Variants in GPC5 observed in about 807,000 individuals in gnomAD.
GPC5 encodes glypican 5, also known as glypican-5.
GPC5 carries 47 observed loss-of-function variants against 53.9 expected under a neutral mutation model. The ratio of observed to expected loss-of-function variants is 0.87; its 90% confidence interval spans 0.69 to 1.11. The LOEUF is 1.11. GPC5 is among the 50% of genes most tolerant of loss of function. GPC5 has a pLI of 0.00. For synonymous variants in GPC5, 286 were observed against 263.3 expected (o/e 1.09, Z -0.84); for missense variants, 748 against 713.1 (o/e 1.05, Z -0.56).
chr13:92,622,910 G>T (rs1397600603), intron 7 of GPC5, among the ~76,000 whole-genome samples: 1 of 152,056 alleles, frequency 6.6e-6, no homozygotes, highest in Non-Finnish European at 1.5e-5. Flanking sequence ...ACCTCAGCGA[G>T]AATGTGGCAA....
intron 7 of GPC5, among the ~76,000 whole-genome samples, chr13:92,640,714 A>T (rs11840931): frequency 0.027 from 4,114 of 152,290 alleles, 189 homozygotes; most frequent in African/African-American, 0.093. Flanking sequence ...CAATGGGGAC[A>T]TGCCAAAAAG....
At chr13:91,674,320 A>G (rs2035318047) in intron 2 of GPC5, among the ~76,000 whole-genome samples, 1 of 151,846 alleles carries the variant, frequency 6.6e-6, no homozygotes, top group African/African-American at 2.4e-5. Flanking sequence ...CATCTAATCC[A>G]TTGAAGGCCC....
At chr13:92,075,593 T>A (rs1406800097) in intron 6 of GPC5, among the ~76,000 whole-genome samples, 1 of 152,176 alleles carries the variant, frequency 6.6e-6, no homozygotes, top group Non-Finnish European at 1.5e-5. Context: ...ATTGCAAATA[T>A]TTTTATCATT....
chr13:92,276,996 C>CTT (rs71200573), intron 7 of GPC5, among the ~76,000 whole-genome samples: 1 of 151,052 alleles, frequency 6.6e-6, no homozygotes, highest in African/African-American at 2.4e-5. Flanking sequence ...GTCTCTCTCT[C>CTT]TTTTTTTTTC....
intron 7 of GPC5, among the ~76,000 whole-genome samples, chr13:92,547,399 T>C (rs1213875934): frequency 2.0e-5 from 3 of 152,212 alleles, no homozygotes; most frequent in Non-Finnish European, 4.4e-5. Flanking sequence ...AGTCCTAAAG[T>C]TGATTCAGAT....
intron 7 of GPC5, among the ~76,000 whole-genome samples, chr13:92,518,476 C>G (rs1303662446): frequency 6.6e-6 from 1 of 152,148 alleles, no homozygotes; most frequent in Non-Finnish European, 1.5e-5. Context: ...CAATATTCAA[C>G]ATTCTTAAAG....
intron 2 of GPC5, among the ~76,000 whole-genome samples, chr13:91,460,581 C>T (rs1056457080): frequency 3.3e-5 from 5 of 152,088 alleles, no homozygotes; most frequent in African/African-American, 1.2e-4. Context: ...GGATTACAGG[C>T]ATGAGCCACC....
At chr13:92,366,873 A>T (rs1393044913) in intron 7 of GPC5, among the ~76,000 whole-genome samples, 1 of 152,252 alleles carries the variant, frequency 6.6e-6, no homozygotes. Flanking sequence ...ATATGAATAC[A>T]ATTTTCTTAT....
rs181127860 is a variant in GPC5 at position 92,482,394 on chromosome 13, G to T, written c.1561+337405G>T. On this transcript the variant is annotated intron_variant, in intron 7 of 7. Coordinates refer to ENST00000377067, the MANE Select transcript of GPC5 (RefSeq NM_004466.6). Reference sequence around the variant, plus strand: ...CTTATTTTTTTCCATTAGGTAGCCTGAAGAATCTCCTAAAAAATTAACTTG... The same window carrying T: ...CTTATTTTTTTCCATTAGGTAGCCTTAAGAATCTCCTAAAAAATTAACTTG... 3.9e-5 allele frequency among the ~76,000 whole-genome samples: 6 copies of T among 152,216 alleles called. No individual in the cohort carries two copies. The East Asian group carries it at 7.7e-4, about 20-fold the overall frequency.
chr13:92,761,838 T>C lies in GPC5; in HGVS notation c.1562-104444T>C, dbSNP rs187382433. 3.9e-5 allele frequency among the ~76,000 whole-genome samples: 6 copies of C among 152,282 alleles called. No individual in the cohort carries two copies. The East Asian group carries it at 1.2e-3, about 29-fold the overall frequency. ...TTATCTCCGAGATTTGGTTATCTTC[T>C]AGCAGCTTTCCCCACAGAAATCTTG... On this transcript the variant is annotated intron_variant, in intron 7 of 7. Transcript: ENST00000377067.
At chr13:91,403,488 T>C (rs1877101677) in intron 1 of GPC5, among the ~76,000 whole-genome samples, 1 of 152,210 alleles carries the variant, frequency 6.6e-6, no homozygotes, top group South Asian at 2.1e-4. Flanking sequence ...TTGTCATAAA[T>C]AAAGAAGCAG....
chr13:91,939,641 A>G (rs374339747), intron 6 of GPC5, among the ~76,000 whole-genome samples: 14 of 152,194 alleles, frequency 9.2e-5, no homozygotes, highest in African/African-American at 3.1e-4. Context: ...ACACCTTAGG[A>G]AACTTGTTCC....
chr13:92,257,546 A>ATTTTGTTTTTTTTTTTTTTT, intron 7 of GPC5, among the ~76,000 whole-genome samples: 1 of 72,966 alleles, frequency 1.4e-5, no homozygotes, highest in Non-Finnish European at 2.3e-5. Flanking sequence ...TAATACAGGG[A>ATTTTGTTTTTTTTTTTTTTT]TTTTTTTTTT....
At chr13:92,248,191 T>G (rs2042666820) in intron 7 of GPC5, among the ~76,000 whole-genome samples, 1 of 122,770 alleles carries the variant, frequency 8.1e-6, no homozygotes. Flanking sequence ...AAAATAGAGG[T>G]ATGGCCATAG....
intron 7 of GPC5, among the ~76,000 whole-genome samples, chr13:92,726,948 G>T (rs1294594990): frequency 6.6e-6 from 1 of 151,416 alleles, no homozygotes; most frequent in Non-Finnish European, 1.5e-5. Flanking sequence ...AAAAATAAAG[G>T]TGTCACCTGA....
chr13:92,388,917 G>A (rs1019665170), intron 7 of GPC5, among the ~76,000 whole-genome samples: 1 of 151,972 alleles, frequency 6.6e-6, no homozygotes, highest in African/African-American at 2.4e-5. Context: ...AATGGTTATG[G>A]GATAGTGCTG....
intron 5 of GPC5, among the ~76,000 whole-genome samples, chr13:91,800,252 A>G (rs992443317): frequency 3.3e-5 from 5 of 152,146 alleles, no homozygotes; most frequent in African/African-American, 4.8e-5. Context: ...TAAAGACACA[A>G]TATTTGTAAA....
chr13:91,643,048 G>C (rs1566576008), intron 2 of GPC5, among the ~76,000 whole-genome samples: 1 of 152,116 alleles, frequency 6.6e-6, no homozygotes, highest in Non-Finnish European at 1.5e-5. Flanking sequence ...ACTTCTTATG[G>C]TGTTCGGTTA....
chr13:92,329,479 C>G (rs1021851851), intron 7 of GPC5, among the ~76,000 whole-genome samples: 2 of 152,080 alleles, frequency 1.3e-5, no homozygotes, highest in African/African-American at 4.8e-5. Flanking sequence ...CCAATCACCT[C>G]CCACCAGGCC....
Sources: gnomAD v4.1 joint callset for allele counts (sites outside exome capture counted in the v4.1 genomes callset) on GRCh38, gnomAD v4.1.1 for gene constraint, MANE v1.5 for transcripts, NCBI Gene and HGNC (gene_info 2026-07-23, HGNC 2026-07-21) for gene names.